The following LPP variants were observed in gnomAD, a reference collection of about 807,000 sequenced individuals.
LPP encodes lipoma-preferred partner.
A neutral mutation model predicts 60.4 loss-of-function variants in LPP; 38 were observed. The observed-to-expected ratio is 0.63, with a 90% CI of 0.49 to 0.83. LPP has a LOEUF of 0.83. Ranked by LOEUF, LPP falls within the 40% of genes least tolerant of loss-of-function variation. LPP has a pLI of 0.00. For synonymous variants in LPP, 328 were observed against 290.8 expected (o/e 1.13, Z -1.30); for missense variants, 902 against 783.6 (o/e 1.15, Z -1.80).
At position 188,886,245 on chromosome 3, in the gene LPP, T is replaced by A. The variant is rs1770648655; in HGVS notation, c.*11766T>A. 6.5e-6 allele frequency: 1 copy of A among 153,956 alleles called. No individual in the cohort carries two copies. Among genetic ancestry groups the A allele is most frequent in the East Asian group, 1.7e-4 (1 of 5,732 alleles). 9.5% of individuals were successfully genotyped at this position (153,956 alleles called of 1,614,324 possible). On this transcript the variant is annotated 3_prime_UTR_variant, in exon 12 of 12. Transcript: ENST00000617246. The stretch of plus-strand genomic sequence containing the variant: ...GCAGCACACCAGCATGGCACATGTA[T>A]ACATATGTAACTAACCTGCACATTG...
At chr3:188,750,046 T>C (rs1577334876) in intron 8 of LPP, among the ~76,000 whole-genome samples, 1 of 152,054 alleles carries the variant, frequency 6.6e-6, no homozygotes, top group South Asian at 2.1e-4. Flanking sequence ...GCAGGCTTGG[T>C]TTTCTGGTGA....
At chr3:188,804,283 A>ATATATATATATAT (rs1553853277) in intron 9 of LPP, among the ~76,000 whole-genome samples, 306 of 126,502 alleles carry the variant, frequency 2.4e-3, no homozygotes, top group South Asian at 3.3e-3. Flanking sequence ...ATATATATAT[A>ATATATATATATAT]AAATGGAATA....
chr3:188,744,283 C>T lies in LPP; in HGVS notation c.1241-15830C>T, dbSNP rs185652189. ...AAAATCTGAACTTTATTATATTGAT[C>T]TCTGGGATCATCCACAAAATTGCCC... On this transcript the variant is annotated intron_variant, in intron 8 of 11. Transcript: ENST00000617246. 4.3e-4 allele frequency among the ~76,000 whole-genome samples: 66 copies of T among 152,200 alleles called. 1 individual carries two copies. Among genetic ancestry groups the T allele is most frequent in the Non-Finnish European group, 3.1e-4 (21 of 67,984 alleles).
intron 4 of LPP, among the ~76,000 whole-genome samples, chr3:188,449,727 A>G (rs749148174): frequency 2.6e-5 from 4 of 151,974 alleles, no homozygotes; most frequent in Non-Finnish European, 5.9e-5. Flanking sequence ...ATCTGATCTT[A>G]TTTCTTACTC....
chr3:188,608,106 T>C (rs62291686), intron 6 of LPP, among the ~76,000 whole-genome samples: 2 of 152,030 alleles, frequency 1.3e-5, no homozygotes, highest in African/African-American at 4.8e-5. Context: ...GATTTCTACA[T>C]TTTCAATCAG....
intron 2 of LPP, among the ~76,000 whole-genome samples, chr3:188,252,282 A>T (rs1321809783): frequency 5.1e-5 from 7 of 137,136 alleles, no homozygotes; most frequent in African/African-American, 8.1e-5. Flanking sequence ...GATTTCGTAA[A>T]TTTTTTTTCT....
At chr3:188,577,967 C>T (rs1835155247) in intron 6 of LPP, among the ~76,000 whole-genome samples, 2 of 151,886 alleles carry the variant, frequency 1.3e-5, no homozygotes, top group Admixed American at 6.6e-5. Context: ...CAGAATCTTT[C>T]ACAGAATAAA....
intron 9 of LPP, among the ~76,000 whole-genome samples, chr3:188,852,211 C>A (rs1162934463): frequency 6.6e-6 from 1 of 152,008 alleles, no homozygotes; most frequent in East Asian, 1.9e-4. Context: ...CTCAAGTGGG[C>A]AAGTTTGGCT....
chr3:188,258,612 T>A (rs1732488522), intron 2 of LPP, among the ~76,000 whole-genome samples: 1 of 152,182 alleles, frequency 6.6e-6, no homozygotes, highest in African/African-American at 2.4e-5. Context: ...TTTTTGTTTG[T>A]AAGCATGTCA....
chr3:188,467,379 G>T (rs1800745891), intron 4 of LPP, among the ~76,000 whole-genome samples: 1 of 152,018 alleles, frequency 6.6e-6, no homozygotes, highest in Non-Finnish European at 1.5e-5. Context: ...ATGAATACAA[G>T]AACTTTTGCT....
chr3:188,779,066 C>CATTAAGATT (rs1738754906), intron 9 of LPP, among the ~76,000 whole-genome samples: 1 of 151,140 alleles, frequency 6.6e-6, no homozygotes, highest in Non-Finnish European at 1.5e-5. Flanking sequence ...TCAATGGGAT[C>CATTAAGATT]ATTAAGATTA....
intron 6 of LPP, among the ~76,000 whole-genome samples, chr3:188,600,888 G>T (rs1021215475): frequency 1.3e-5 from 2 of 151,774 alleles, no homozygotes; most frequent in Non-Finnish European, 2.9e-5. Context: ...CTATGTTGTA[G>T]CATGTATCAG....
chr3:188,398,571 A>G (rs751340003), intron 3 of LPP, among the ~76,000 whole-genome samples: 1 of 152,176 alleles, frequency 6.6e-6, no homozygotes, highest in African/African-American at 2.4e-5. Context: ...ATACATTGAC[A>G]TTTTCAGCCC....
chr3:188,862,781 G>GAGAA (rs1233302881), intron 9 of LPP, among the ~76,000 whole-genome samples: 15 of 143,188 alleles, frequency 1.0e-4, no homozygotes, highest in Admixed American at 4.3e-4. Flanking sequence ...GAGAGAGAGA[G>GAGAA]AGAAAGAAAG....
intron 3 of LPP, among the ~76,000 whole-genome samples, chr3:188,384,053 A>G (rs576475677): frequency 6.6e-6 from 1 of 152,192 alleles, no homozygotes; most frequent in Non-Finnish European, 1.5e-5. Context: ...AGTTCTTGCT[A>G]ATAGGATACC....
At chr3:188,584,906 G>A (rs1837101616) in intron 6 of LPP, among the ~76,000 whole-genome samples, 1 of 152,028 alleles carries the variant, frequency 6.6e-6, no homozygotes, top group Non-Finnish European at 1.5e-5. Context: ...TTCCATTCAT[G>A]TAACATTTTT....
intron 7 of LPP, among the ~76,000 whole-genome samples, chr3:188,632,796 C>G (rs1580544801): frequency 6.6e-6 from 1 of 152,120 alleles, no homozygotes; most frequent in Non-Finnish European, 1.5e-5. Flanking sequence ...TCTTCTGTAG[C>G]GCCCCTTTTG....
chr3:188,207,486 C>T (rs1055434181), intron 1 of LPP, among the ~76,000 whole-genome samples: 9 of 152,082 alleles, frequency 5.9e-5, no homozygotes, highest in African/African-American at 2.2e-4. Context: ...CCTGCCTCGG[C>T]CTCCCAAAGT....
At chr3:188,313,648 A>T (rs965123428) in intron 2 of LPP, among the ~76,000 whole-genome samples, 3 of 150,612 alleles carry the variant, frequency 2.0e-5, no homozygotes, top group African/African-American at 7.4e-5. Flanking sequence ...AAAAAAAAAA[A>T]AAATAAAATA....
Sources: gnomAD v4.1 joint callset for allele counts (sites outside exome capture counted in the v4.1 genomes callset) on GRCh38, gnomAD v4.1.1 for gene constraint, MANE v1.5 for transcripts, NCBI Gene and HGNC (gene_info 2026-07-23, HGNC 2026-07-21) for gene names.